The following INPP4B variants were observed in gnomAD, a reference collection of about 807,000 sequenced individuals.
INPP4B encodes the protein inositol polyphosphate 4-phosphatase type II.
Under a neutral mutation model 122.5 loss-of-function variants are expected in INPP4B, and 55 were observed. The ratio of observed to expected loss-of-function variants is 0.45; its 90% CI spans 0.36 to 0.56. INPP4B has a LOEUF of 0.56. Ranked by LOEUF, INPP4B falls within the 20% of genes least tolerant of loss-of-function variation. The pLI is 0.00. For missense variants in INPP4B, 1,000 were observed against 1,097.7 expected, an observed-to-expected ratio of 0.91 and a Z score of 1.26; for synonymous variants, 403 against 388.7, an observed-to-expected ratio of 1.04 and a Z score of -0.43.
At chr4:142,626,796 G>C (rs867542551) in intron 2 of INPP4B, among the ~76,000 whole-genome samples, 1 of 152,036 alleles carries the variant, frequency 6.6e-6, no homozygotes, top group Non-Finnish European at 1.5e-5. Context: ...CAAAATGGCA[G>C]AATAAGTTAA....
intron 1 of INPP4B, among the ~76,000 whole-genome samples, chr4:142,759,825 TA>T (rs70949188): frequency 0.065 from 4,519 of 69,938 alleles, 314 homozygotes; most frequent in African/African-American, 0.23. Context: ...GAGCTTTTTC[TA>T]AAAAAAAAAA....
At chr4:142,162,258 CA>C (rs368173393) in intron 16 of INPP4B, among the ~76,000 whole-genome samples, 33 of 146,420 alleles carry the variant, frequency 2.3e-4, no homozygotes, top group Non-Finnish European at 4.1e-4. Context: ...ACTAGATAGG[CA>C]AAAAAAAGAA....
intron 1 of INPP4B, among the ~76,000 whole-genome samples, chr4:142,735,899 T>C (rs1162130281): frequency 6.9e-6 from 1 of 143,904 alleles, no homozygotes; most frequent in Non-Finnish European, 1.5e-5. Flanking sequence ...TTAAAGAAAT[T>C]TACGTATATC....
intron 7 of INPP4B, among the ~76,000 whole-genome samples, chr4:142,385,694 T>A (rs1795731388): frequency 6.6e-6 from 1 of 152,142 alleles, no homozygotes; most frequent in Admixed American, 6.6e-5. Flanking sequence ...AACAATGAAA[T>A]ACCTCTCAGT....
intron 2 of INPP4B, among the ~76,000 whole-genome samples, chr4:142,688,292 A>G (rs1043261480): frequency 6.6e-6 from 1 of 152,104 alleles, no homozygotes; most frequent in Non-Finnish European, 1.5e-5. Context: ...GTGAGTGCTG[A>G]AAGGAGAGCA....
chr4:142,577,168 C>A (rs925164810), intron 2 of INPP4B, among the ~76,000 whole-genome samples: 5 of 151,782 alleles, frequency 3.3e-5, no homozygotes, highest in Non-Finnish European at 7.4e-5. Flanking sequence ...GTTGCTAAAC[C>A]CTTTTACCTT....
In INPP4B at chr4:142,625,203, C is replaced by A. The variant is rs370643264; in HGVS notation, c.-191+100636G>T. Among the ~76,000 whole-genome samples the A allele has an allele frequency of 2.7e-3, 403 of 151,850 alleles. 6 individuals carry two copies. The highest frequency in any genetic ancestry group is 0.018 in the East Asian group (95 of 5,158). On this transcript the variant is annotated intron_variant, in intron 2 of 25. Coordinates refer to ENST00000262992, the MANE Select transcript of INPP4B (RefSeq NM_001101669.3). ...GAGGAAGTCAAATTGTCCCTGTTTG[C>A]AGAGGACATGATTGTATATCTAGAA...
chr4:142,434,406 A>T (rs959950804), intron 3 of INPP4B, among the ~76,000 whole-genome samples: 2 of 152,134 alleles, frequency 1.3e-5, no homozygotes, highest in Admixed American at 1.3e-4. Context: ...CTCCATTGCA[A>T]ATATAGGAGG....
intron 13 of INPP4B, 117 bp from the exon 14 acceptor site, chr4:142,208,646 A>G (rs1048710348): frequency 8.9e-6 from 5 of 564,438 alleles, no homozygotes; most frequent in African/African-American, 7.8e-5. Flanking sequence ...AACATATCCT[A>G]TATTTATGAG....
intron 17 of INPP4B, among the ~76,000 whole-genome samples, chr4:142,159,096 A>G (rs552541223): frequency 6.6e-6 from 1 of 152,178 alleles, no homozygotes; most frequent in Non-Finnish European, 1.5e-5. Context: ...CTAAAGTAAT[A>G]TAATGCATTT....
intron 23 of INPP4B, among the ~76,000 whole-genome samples, chr4:142,093,972 C>G (rs2152572815): frequency 6.6e-6 from 1 of 152,252 alleles, no homozygotes; most frequent in Middle Eastern, 3.4e-3. Flanking sequence ...TTTCCTCAAT[C>G]AACATTATAC....
intron 5 of INPP4B, among the ~76,000 whole-genome samples, chr4:142,416,805 T>C (rs910282137): frequency 2.6e-5 from 4 of 152,156 alleles, no homozygotes; most frequent in African/African-American, 9.7e-5. Context: ...TAACTAGGGC[T>C]TTGAGGGTGT....
At chr4:142,300,388 G>A (rs1231735383) in intron 9 of INPP4B, among the ~76,000 whole-genome samples, 1 of 152,094 alleles carries the variant, frequency 6.6e-6, no homozygotes, top group African/African-American at 2.4e-5. Context: ...TGTTGTTGTT[G>A]TTGTTGTTCT....
intron 18 of INPP4B, among the ~76,000 whole-genome samples, chr4:142,136,573 G>T (rs749845713): frequency 2.0e-5 from 3 of 152,160 alleles, no homozygotes; most frequent in Non-Finnish European, 4.4e-5. Flanking sequence ...AAAAGCACCA[G>T]GTGAGTTCTC....
intron 9 of INPP4B, among the ~76,000 whole-genome samples, chr4:142,294,511 G>A (rs539491867): frequency 6.6e-6 from 1 of 151,840 alleles, no homozygotes; most frequent in African/African-American, 2.4e-5. Flanking sequence ...CTTGGACAAG[G>A]GATATAAAAA....
chr4:142,281,250 A>C (rs1394396749), intron 9 of INPP4B, among the ~76,000 whole-genome samples: 1 of 151,896 alleles, frequency 6.6e-6, no homozygotes, highest in Non-Finnish European at 1.5e-5. Flanking sequence ...ATGACTGGGA[A>C]TACCTGACTT....
chr4:142,367,408 A>T (rs1233994311), intron 7 of INPP4B, among the ~76,000 whole-genome samples: 1 of 152,138 alleles, frequency 6.6e-6, no homozygotes, highest in Non-Finnish European at 1.5e-5. Context: ...GATGTACAGT[A>T]GTAATAAAAA....
chr4:142,279,551 A>T (rs973128726), intron 9 of INPP4B, among the ~76,000 whole-genome samples: 4 of 138,310 alleles, frequency 2.9e-5, no homozygotes, highest in African/African-American at 1.2e-4. Context: ...TTGGAAAAAA[A>T]ATAAACTCTG....
At chr4:142,459,120 T>G (rs1199960166) in intron 3 of INPP4B, among the ~76,000 whole-genome samples, 2 of 152,122 alleles carry the variant, frequency 1.3e-5, no homozygotes, top group East Asian at 3.9e-4. Context: ...GCTTTGCCAG[T>G]GGGACATTCC....
Sources: allele counts gnomAD v4.1 joint callset (sites outside exome capture counted in the v4.1 genomes callset), GRCh38; gene constraint gnomAD v4.1.1; transcripts MANE v1.5; gene names NCBI Gene and HGNC (gene_info 2026-07-23, HGNC 2026-07-21).